The following CALN1 variants were observed in gnomAD, a reference collection of about 807,000 sequenced individuals.
CALN1 encodes the protein calcium-binding protein 8.
CALN1 carries 17 observed loss-of-function variants against 30.6 expected under a neutral mutation model. The ratio of observed to expected loss-of-function variants is 0.56; its 90% CI spans 0.38 to 0.83. The LOEUF (loss-of-function observed/expected upper bound fraction) is 0.83, where lower values mean the gene tolerates loss of function less well. Among genes scored for constraint, CALN1 ranks in the 40% least tolerant of loss-of-function variants. CALN1 has a pLI of 0.00. For missense variants in CALN1, 291 were observed against 354.9 expected (o/e 0.82, Z 1.45); for synonymous variants, 156 against 131.4 (o/e 1.19, Z -1.28).
chr7:72,416,114 A>G (rs1807411523), upstream of CALN1, among the ~76,000 whole-genome samples: 1 of 152,186 alleles, frequency 6.6e-6, no homozygotes, highest in Non-Finnish European at 1.5e-5. Context: ...ACCAGACTGA[A>G]GACTGGCTAA....
chr7:72,406,197 T>C (rs942597570), intron 1 of CALN1, among the ~76,000 whole-genome samples: 13 of 152,180 alleles, frequency 8.5e-5, no homozygotes, highest in African/African-American at 3.1e-4. Context: ...AGCTGCCTGC[T>C]GGCGTAACGA....
chr7:72,200,844 T>C (rs925688631), intron 3 of CALN1, among the ~76,000 whole-genome samples: 21 of 152,214 alleles, frequency 1.4e-4, no homozygotes, highest in African/African-American at 4.6e-4. Context: ...GCTTGTGAAT[T>C]TGTTTCTCCC....
intron 5 of CALN1, among the ~76,000 whole-genome samples, chr7:71,905,103 TA>T (rs1293220792): frequency 6.6e-6 from 1 of 152,096 alleles, no homozygotes; most frequent in Non-Finnish European, 1.5e-5. Flanking sequence ...CATGCCCAAC[TA>T]ATTTTTGTAT....
At chr7:71,973,448 T>A (rs1797949810) in intron 5 of CALN1, among the ~76,000 whole-genome samples, 2 of 152,192 alleles carry the variant, frequency 1.3e-5, no homozygotes, top group Admixed American at 1.3e-4. Context: ...AGTACTGGGA[T>A]TAGAGGCGTG....
At chr7:72,317,252 G>A (rs1329464063) in intron 2 of CALN1, among the ~76,000 whole-genome samples, 1 of 116,230 alleles carries the variant, frequency 8.6e-6, no homozygotes, top group Non-Finnish European at 1.8e-5. Flanking sequence ...GAAGGAGAGA[G>A]AAGGGGGGGA....
chr7:72,296,527 C>A (rs1242615681), intron 2 of CALN1, among the ~76,000 whole-genome samples: 3 of 150,900 alleles, frequency 2.0e-5, no homozygotes, highest in Non-Finnish European at 4.4e-5. Context: ...TTGATTATTG[C>A]CACAATTTCA....
chr7:71,819,161 T>G (rs1788445832), intron 5 of CALN1, among the ~76,000 whole-genome samples: 1 of 152,146 alleles, frequency 6.6e-6, no homozygotes, highest in South Asian at 2.1e-4. Flanking sequence ...TTTTATTTAT[T>G]TATTTTTATT....
At chr7:71,867,430 CTTAT>C (rs140397448) in intron 5 of CALN1, among the ~76,000 whole-genome samples, 3,764 of 150,802 alleles carry the variant, frequency 0.025, 139 homozygotes, top group African/African-American at 0.083. Flanking sequence ...TGCCTTTTTA[CTTAT>C]TTATTTATTT....
intron 3 of CALN1, among the ~76,000 whole-genome samples, chr7:72,228,269 C>T (rs141301422): frequency 8.6e-5 from 13 of 151,872 alleles, no homozygotes; most frequent in African/African-American, 3.1e-4. Flanking sequence ...CTTCCCTTCA[C>T]TCAACATTCT....
chr7:71,862,823 A>G (rs1289420091), intron 5 of CALN1, among the ~76,000 whole-genome samples: 1 of 152,190 alleles, frequency 6.6e-6, no homozygotes, highest in African/African-American at 2.4e-5. Flanking sequence ...CAAGATAACA[A>G]TCTACTAGTG....
chr7:71,888,977 T>G (rs796701124), intron 5 of CALN1, among the ~76,000 whole-genome samples: 1 of 152,142 alleles, frequency 6.6e-6, no homozygotes, highest in South Asian at 2.1e-4. Context: ...GAAGCCGCAG[T>G]GTGGTGAGGA....
intron 5 of CALN1, among the ~76,000 whole-genome samples, chr7:71,939,003 G>C (rs1180396402): frequency 2.0e-5 from 3 of 152,126 alleles, no homozygotes; most frequent in Admixed American, 6.5e-5. Flanking sequence ...ATGAATGAAT[G>C]AATGAATCCA....
At position 72,389,432 on chromosome 7, in the gene CALN1, A is replaced by G. The variant is rs563725701; in HGVS notation, c.119+13819T>C. 1.8e-4 allele frequency among the ~76,000 whole-genome samples: 27 copies of G among 152,324 alleles called. No homozygotes were observed. The South Asian group carries it at 5.6e-3, about 32-fold the overall frequency. On this transcript the variant is annotated intron_variant, in intron 2 of 6. Transcript: ENST00000395275. ...TAGGAAAATAATTTTTAAGCCTTAA[A>G]AGTGTCAGAGGCATCTTCTTTACAC...
At chr7:71,921,072 G>A (rs1794920581) in intron 5 of CALN1, among the ~76,000 whole-genome samples, 1 of 152,114 alleles carries the variant, frequency 6.6e-6, no homozygotes, top group African/African-American at 2.4e-5. Context: ...GGATGAAGCT[G>A]GAAACCATCG....
chr7:72,478,404 T>C, the CALN1 span, among the ~76,000 whole-genome samples: 1 of 146,020 alleles, frequency 6.8e-6, no homozygotes, highest in Non-Finnish European at 1.5e-5. Context: ...TATATATATA[T>C]TTTTTCTTAA....
intron 2 of CALN1, among the ~76,000 whole-genome samples, chr7:72,319,727 A>G (rs768025480): frequency 6.6e-6 from 1 of 152,160 alleles, no homozygotes; most frequent in Non-Finnish European, 1.5e-5. Context: ...AAAAGAACAG[A>G]GGTAAATCTG....
intron 3 of CALN1, among the ~76,000 whole-genome samples, chr7:72,153,399 C>A (rs190678365): frequency 2.6e-3 from 402 of 152,128 alleles, no homozygotes; most frequent in Middle Eastern, 6.8e-3. Context: ...AAGTTGTCAG[C>A]CAGGTGCATT....
chr7:71,837,921 G>A (rs1374811582), intron 5 of CALN1, among the ~76,000 whole-genome samples: 1 of 151,896 alleles, frequency 6.6e-6, no homozygotes, highest in Non-Finnish European at 1.5e-5. Context: ...GAACAGGAGG[G>A]ATGAAAAGGA....
At chr7:72,110,116 T>C (rs1190214456) in intron 3 of CALN1, among the ~76,000 whole-genome samples, 1 of 152,214 alleles carries the variant, frequency 6.6e-6, no homozygotes, top group South Asian at 2.1e-4. Context: ...GTTACTGATA[T>C]GGCTGGACAG....
Sources: gnomAD v4.1 joint callset for allele counts (sites outside exome capture counted in the v4.1 genomes callset) on GRCh38, gnomAD v4.1.1 for gene constraint, MANE v1.5 for transcripts, NCBI Gene and HGNC (gene_info 2026-07-23, HGNC 2026-07-21) for gene names.